The following EHF variants were observed in gnomAD, a reference collection of about 807,000 sequenced individuals.
The protein encoded by EHF is ETS homologous factor.
Under a neutral mutation model 45.1 loss-of-function variants are expected in EHF, and 14 were observed. That is an observed-to-expected ratio of 0.31 (90% CI 0.21 to 0.49). The LOEUF (loss-of-function observed/expected upper bound fraction) is 0.49, where lower values mean the gene tolerates loss of function less well. Ranked by LOEUF, EHF falls within the 20% of genes least tolerant of loss-of-function variation. EHF has a pLI of 0.99. For missense variants in EHF, 282 were observed against 371.4 expected (o/e 0.76, Z 1.98); for synonymous variants, 136 against 131.8 (o/e 1.03, Z -0.22).
At chr11:34,641,036 G>T (rs2085105507) in intron 1 of EHF, among the ~76,000 whole-genome samples, 1 of 152,194 alleles carries the variant, frequency 6.6e-6, no homozygotes, top group Non-Finnish European at 1.5e-5. Flanking sequence ...TAGCTAGTAA[G>T]TAGGAAGGCT....
At chr11:34,642,386 A>T (rs1251774697) in intron 1 of EHF, 1 of 406,730 alleles carries the variant, frequency 2.5e-6, no homozygotes, top group Non-Finnish European at 4.5e-6. Flanking sequence ...CTGATCAGAG[A>T]TTATTCATTT....
At position 34,646,919 on chromosome 11, in the gene EHF, G is replaced by A. The variant is rs754477085; in HGVS notation, c.343+235G>A. 3.9e-3 allele frequency: 2,130 copies of A among 541,894 alleles called. 10 individuals carry two copies. The highest frequency in any genetic ancestry group is 5.4e-3 in the Non-Finnish European group (1,702 of 316,656). 33.6% of individuals were successfully genotyped at this position (541,894 alleles called of 1,614,324 possible). ...AGTGTAATTTAATTCTTTCCTTATGGTGATAATTTTCAAGAAGACAAAAGC... is the reference window on the plus strand; with the variant it reads ...AGTGTAATTTAATTCTTTCCTTATGATGATAATTTTCAAGAAGACAAAAGC... On this transcript the variant is annotated intron_variant, in intron 3 of 8. Transcript: ENST00000257831.
At position 34,662,742 on chromosome 11, in the gene EHF, A is replaced by G. The variant is rs1856165917; in HGVS notation, c.*3811A>G. On this transcript the variant is annotated 3_prime_UTR_variant, in exon 9 of 9. Transcript: ENST00000257831. ...TTATATTATTCTTCTGTAGTTAAGC[A>G]AACACTTGTTGAGTGCCTGCTATGT... is the stretch of plus-strand genomic sequence containing the variant. Among the ~76,000 whole-genome samples, 1 of 152,182 alleles carries G rather than the reference A, an allele frequency of 6.6e-6. No individual in the cohort carries two copies. The highest frequency in any genetic ancestry group is 1.5e-5 in the Non-Finnish European group (1 of 68,014).
intron 1 of EHF, among the ~76,000 whole-genome samples, chr11:34,622,616 T>C (rs286919): frequency 0.82 from 124,926 of 152,242 alleles, 51,828 homozygotes; most frequent in Middle Eastern, 0.86. Flanking sequence ...CTTTAATAGC[T>C]GCATTTGAAG....
At chr11:34,638,225 A>T (rs1853642940) in intron 1 of EHF, among the ~76,000 whole-genome samples, 1 of 152,352 alleles carries the variant, frequency 6.6e-6, no homozygotes, top group East Asian at 1.9e-4. Flanking sequence ...TGAGTTTGAA[A>T]TAAGAGGTAT....
rs137938951 is a variant in EHF, at chr11:34,634,606, C to T, written c.-3-8022C>T. Among the ~76,000 whole-genome samples the T allele has an allele frequency of 2.7e-3, 418 of 152,294 alleles. 3 individuals carry two copies. The highest frequency in any genetic ancestry group is 3.1e-3 in the Non-Finnish European group (208 of 68,028). Reference sequence around the variant, plus strand: ...CTTCACCCTTGCAGCAGGAGCAAACCATGCTGTCTGGCCTGAGGTCTGATT... The same window carrying T: ...CTTCACCCTTGCAGCAGGAGCAAACTATGCTGTCTGGCCTGAGGTCTGATT... On this transcript the variant is annotated intron_variant, in intron 1 of 8. Transcript: ENST00000257831.
At chr11:34,646,927 T>A in intron 3 of EHF, 1 of 533,046 alleles carries the variant, frequency 1.9e-6, no homozygotes, top group Non-Finnish European at 3.2e-6. Context: ...TGGTGATAAT[T>A]TTCAAGAAGA....
chr11:34,650,329 T>A (rs1452371538), intron 4 of EHF, among the ~76,000 whole-genome samples: 2 of 152,130 alleles, frequency 1.3e-5, no homozygotes, highest in East Asian at 3.9e-4. Flanking sequence ...CCCCCATACC[T>A]CTTTGGTTCA....
chr11:34,647,696 C>G (rs188336189), intron 3 of EHF, among the ~76,000 whole-genome samples: 2 of 152,232 alleles, frequency 1.3e-5, no homozygotes, highest in Non-Finnish European at 1.5e-5. Context: ...ACCCTGGCAA[C>G]AGCCATCAAC....
At chr11:34,635,234 G>A (rs1010954497) in intron 1 of EHF, among the ~76,000 whole-genome samples, 1 of 152,022 alleles carries the variant, frequency 6.6e-6, no homozygotes, top group Non-Finnish European at 1.5e-5. Flanking sequence ...AGCTGAGCAG[G>A]CCCAAGCTGG....
chr11:34,623,274 C>A (rs138978733), intron 1 of EHF, among the ~76,000 whole-genome samples: 1 of 151,972 alleles, frequency 6.6e-6, no homozygotes, highest in Non-Finnish European at 1.5e-5. Flanking sequence ...TTAGTAGAGA[C>A]GGGGTTTTAC....
intron 1 of EHF, among the ~76,000 whole-genome samples, chr11:34,628,285 A>C (rs558359734): frequency 1.3e-5 from 2 of 152,286 alleles, no homozygotes; most frequent in South Asian, 4.1e-4. Flanking sequence ...TTTTGCACCA[A>C]CATAATATGA....
intron 6 of EHF, among the ~76,000 whole-genome samples, chr11:34,656,081 T>C (rs76442251): frequency 6.7e-5 from 10 of 150,236 alleles, no homozygotes; most frequent in Admixed American, 1.3e-4. Flanking sequence ...CACACACATA[T>C]ACACACACAC....
intron 1 of EHF, chr11:34,632,695 C>G: frequency 1.3e-6 from 2 of 1,532,322 alleles, no homozygotes; most frequent in South Asian, 2.4e-5. Context: ...CCGGCTCTCT[C>G]TGCTCTTGCC....
At chr11:34,650,874 G>A (rs1451613207) in intron 4 of EHF, among the ~76,000 whole-genome samples, 2 of 152,170 alleles carry the variant, frequency 1.3e-5, no homozygotes, top group African/African-American at 2.4e-5. Context: ...TCTTTTCTGC[G>A]ATGGGGCAGT....
chr11:34,649,585 A>G (rs1854938569), intron 4 of EHF, among the ~76,000 whole-genome samples: 1 of 152,180 alleles, frequency 6.6e-6, no homozygotes, highest in African/African-American at 2.4e-5. Context: ...GGTACCTGCA[A>G]CCCAGCTCCT....
intron 1 of EHF, among the ~76,000 whole-genome samples, chr11:34,628,252 A>G (rs1852545788): frequency 6.6e-6 from 1 of 152,202 alleles, no homozygotes; most frequent in Non-Finnish European, 1.5e-5. Context: ...AAATTAAAAA[A>G]TAAAAAAAAA....
intron 1 of EHF, among the ~76,000 whole-genome samples, chr11:34,640,943 C>T (rs530736730): frequency 7.9e-5 from 12 of 152,198 alleles, no homozygotes; most frequent in South Asian, 2.1e-4. Flanking sequence ...AATGTACAGA[C>T]GAGGTATGAT....
rs1483461012 is a variant in EHF, at chr11:34,635,498, C to T, written c.-3-7130C>T. Among the ~76,000 whole-genome samples, 6 of 139,846 alleles carry T rather than the reference C, an allele frequency of 4.3e-5. No homozygotes were observed. In the East Asian group the frequency reaches 1.3e-3, roughly 30 times the overall value. The allele number at this position is 139,846 out of a possible 152,430, so 91.7% of individuals were successfully genotyped here. A position where few individuals can be genotyped will look rare whatever the true frequency, so the allele number is the denominator to read the frequency against. On this transcript the variant is annotated intron_variant, in intron 1 of 8. Transcript: ENST00000257831. ...TGGAGTTTCACTCTTTTTGCCCAGG[C>T]TGGAGTACAATGGTGCGATCTCAGC...
Sources: gnomAD v4.1 joint callset for allele counts (sites outside exome capture counted in the v4.1 genomes callset) on GRCh38, gnomAD v4.1.1 for gene constraint, MANE v1.5 for transcripts, NCBI Gene and HGNC (gene_info 2026-07-23, HGNC 2026-07-21) for gene names.